KIAA0825: variants seen among roughly 807,000 people sequenced by gnomAD.
KIAA0825 encodes uncharacterized protein KIAA0825.
A neutral mutation model predicts 147.6 loss-of-function variants in KIAA0825; 119 were observed. That is an observed-to-expected ratio of 0.81 (90% CI 0.69 to 0.94). The LOEUF (loss-of-function observed/expected upper bound fraction) is 0.94, where lower values mean the gene tolerates loss of function less well. KIAA0825 is among the 40% of genes least tolerant of loss of function. The pLI is 0.00. For synonymous variants in KIAA0825, 470 were observed against 518.1 expected (o/e 0.91, Z 1.26); for missense variants, 1,381 against 1,472.7 (o/e 0.94, Z 1.02).
In KIAA0825 at chr5:94,402,035, A is replaced by G. The variant is rs140365735; in HGVS notation, c.2887+1534T>C. Among the ~76,000 whole-genome samples, 460 of 152,290 alleles carry G rather than the reference A, an allele frequency of 3.0e-3. 2 individuals carry two copies. The highest frequency in any genetic ancestry group is 5.5e-3 in the Non-Finnish European group (371 of 68,018). On this transcript the variant is annotated intron_variant, in intron 16 of 20. Transcript: ENST00000682413. Reference sequence around the variant, plus strand: ...GTCATATCCTCTTAGAACGCAAAAAATGGTTTATAAAGTCACTTTCTTCCA... The same window carrying G: ...GTCATATCCTCTTAGAACGCAAAAAGTGGTTTATAAAGTCACTTTCTTCCA...
intron 20 of KIAA0825, among the ~76,000 whole-genome samples, chr5:94,229,121 T>C (rs911150103): frequency 6.6e-6 from 1 of 152,240 alleles, no homozygotes. Context: ...CTGTGTTAGA[T>C]TTCCTGCTTT....
chr5:94,414,375 A>G (rs1753166858), intron 15 of KIAA0825: 1 of 152,210 alleles, frequency 6.6e-6, no homozygotes, highest in Non-Finnish European at 1.5e-5. Flanking sequence ...TAACTGAATA[A>G]TGCTTGATCT....
chr5:94,215,540 A>C (rs1053393837), intron 20 of KIAA0825, among the ~76,000 whole-genome samples: 1 of 152,190 alleles, frequency 6.6e-6, no homozygotes, highest in African/African-American at 2.4e-5. Context: ...GATAAATATG[A>C]GGTGAAGATG....
intron 20 of KIAA0825, among the ~76,000 whole-genome samples, chr5:94,333,560 G>A (rs1375118287): frequency 6.6e-6 from 1 of 152,082 alleles, no homozygotes; most frequent in African/African-American, 2.4e-5. Context: ...TATTTCTGAG[G>A]CCTCTGTTCT....
intron 5 of KIAA0825, among the ~76,000 whole-genome samples, chr5:94,486,763 T>C (rs1163828693): frequency 6.6e-6 from 1 of 152,192 alleles, no homozygotes; most frequent in Non-Finnish European, 1.5e-5. Context: ...ATTTAGTTGG[T>C]ACTTGATTCC....
chr5:94,219,239 T>G (rs1773471566), intron 20 of KIAA0825, among the ~76,000 whole-genome samples: 1 of 152,144 alleles, frequency 6.6e-6, no homozygotes, highest in African/African-American at 2.4e-5. Context: ...AGATATTAGA[T>G]TCTCATAGGG....
chr5:94,464,993 A>C lies in KIAA0825; in HGVS notation c.1939T>G (p.Trp647Gly). 1 of 1,551,736 alleles carries C rather than the reference A, an allele frequency of 6.4e-7. No individual in the cohort carries two copies. Among genetic ancestry groups the C allele is most frequent in the Non-Finnish European group, 8.7e-7 (1 of 1,146,986 alleles). ...GCTAACTTAGGAGGCAGAATGGTCC[A>C]GAGATCGTAATGAAGAGACCAGCAG... The part of the protein sequence containing the change: ...YFCWSLHYDL[W>G]TILPPKLAQE... The change falls in exon 11 of 21, where the codon TGG (tryptophan) becomes GGG (glycine). Residue 647 changes from tryptophan to glycine, a missense_variant. Coordinates refer to ENST00000682413, the MANE Select transcript of KIAA0825 (RefSeq NM_001145678.3).
At chr5:94,502,639 ATT>A (rs1353716559) in intron 5 of KIAA0825, among the ~76,000 whole-genome samples, 1 of 152,196 alleles carries the variant, frequency 6.6e-6, no homozygotes, top group East Asian at 1.9e-4. Context: ...TGATTTTTTA[ATT>A]TTTGTAATAG....
intron 5 of KIAA0825, among the ~76,000 whole-genome samples, chr5:94,511,487 G>C (rs1766465625): frequency 6.6e-6 from 1 of 152,146 alleles, no homozygotes; most frequent in African/African-American, 2.4e-5. Flanking sequence ...GGACGTGGTG[G>C]CACATGCCTG....
intron 20 of KIAA0825, among the ~76,000 whole-genome samples, chr5:94,166,503 T>TG (rs2149934538): frequency 7.0e-6 from 1 of 143,224 alleles, no homozygotes; most frequent in Admixed American, 7.4e-5. Context: ...TCCTCTTGGT[T>TG]GTTTTTTTTT....
At chr5:94,369,619 G>T (rs1746373650) in intron 20 of KIAA0825, among the ~76,000 whole-genome samples, 1 of 152,186 alleles carries the variant, frequency 6.6e-6, no homozygotes, top group South Asian at 2.1e-4. Context: ...AATTGCAGAA[G>T]GGGAGATAAA....
intron 20 of KIAA0825, among the ~76,000 whole-genome samples, chr5:94,329,612 C>T (rs1490946523): frequency 6.6e-6 from 1 of 151,976 alleles, no homozygotes; most frequent in Non-Finnish European, 1.5e-5. Context: ...GAACTAAGAA[C>T]ACTAGACAAA....
intron 20 of KIAA0825, among the ~76,000 whole-genome samples, chr5:94,205,206 GTAAT>G (rs1772040255): frequency 6.8e-6 from 1 of 146,054 alleles, no homozygotes; most frequent in East Asian, 2.0e-4. Context: ...GTGGGTATGT[GTAAT>G]TATTTTTACA....
At chr5:94,438,711 G>C (rs555210614) in intron 14 of KIAA0825, among the ~76,000 whole-genome samples, 2 of 152,262 alleles carry the variant, frequency 1.3e-5, no homozygotes, top group South Asian at 2.1e-4. Flanking sequence ...GGATGGGAGA[G>C]AATATGGGGA....
chr5:94,339,375 G>A (rs1229155506), intron 20 of KIAA0825, among the ~76,000 whole-genome samples: 1 of 152,144 alleles, frequency 6.6e-6, no homozygotes, highest in African/African-American at 2.4e-5. Context: ...TTTGGTATTT[G>A]TGATTTAATA....
chr5:94,401,581 C>G (rs1311507414), intron 16 of KIAA0825, among the ~76,000 whole-genome samples: 1 of 152,144 alleles, frequency 6.6e-6, no homozygotes, highest in East Asian at 1.9e-4. Context: ...CTGCTCTTCC[C>G]TCAAGCTTCC....
intron 20 of KIAA0825, among the ~76,000 whole-genome samples, chr5:94,272,195 A>T (rs1040070697): frequency 6.6e-6 from 1 of 150,382 alleles, no homozygotes; most frequent in African/African-American, 2.4e-5. Flanking sequence ...TGGGAAGGGT[A>T]GTGGGGGGAG....
chr5:94,250,487 A>C (rs1417061591), intron 20 of KIAA0825, among the ~76,000 whole-genome samples: 1 of 152,146 alleles, frequency 6.6e-6, no homozygotes, highest in Non-Finnish European at 1.5e-5. Flanking sequence ...TATAACAAAA[A>C]AGTCAAAATA....
At chr5:94,365,603 A>G (rs73142939) in intron 20 of KIAA0825, among the ~76,000 whole-genome samples, 3,600 of 152,242 alleles carry the variant, frequency 0.024, 152 homozygotes, top group African/African-American at 0.082. Context: ...AAATTATTAC[A>G]GTGAAAGAGA....
Sources: gnomAD v4.1 joint callset for allele counts (sites outside exome capture counted in the v4.1 genomes callset) on GRCh38, gnomAD v4.1.1 for gene constraint, MANE v1.5 for transcripts, NCBI Gene and HGNC (gene_info 2026-07-23, HGNC 2026-07-21) for gene names.